WDR37: variants seen among roughly 807,000 people sequenced by gnomAD.
The protein encoded by WDR37 is WD repeat-containing protein 37.
A neutral mutation model predicts 62.9 loss-of-function variants in WDR37; 19 were observed. The ratio of observed to expected loss-of-function variants is 0.30; its 90% CI spans 0.21 to 0.44. The LOEUF (loss-of-function observed/expected upper bound fraction) is 0.44, where lower values mean the gene tolerates loss of function less well. Among genes scored for constraint, WDR37 ranks in the 20% least tolerant of loss-of-function variants. WDR37 has a pLI of 1.00. For synonymous variants in WDR37, 250 were observed against 260.9 expected (o/e 0.96, Z 0.40); for missense variants, 474 against 657.6 (o/e 0.72, Z 3.05).
intron 8 of WDR37, among the ~76,000 whole-genome samples, chr10:1,095,027 G>A (rs1371338428): frequency 6.6e-6 from 1 of 151,758 alleles, no homozygotes; most frequent in Admixed American, 6.6e-5. Flanking sequence ...GGAAACATGA[G>A]GTAATGGGTA....
chr10:1,095,551 G>A (rs979658224), intron 8 of WDR37, among the ~76,000 whole-genome samples: 3 of 152,200 alleles, frequency 2.0e-5, no homozygotes, highest in Non-Finnish European at 4.4e-5. Flanking sequence ...AAGCTGGGTG[G>A]CAGTGAAGAG....
At chr10:1,101,281 G>T (rs1176927860) in intron 9 of WDR37, among the ~76,000 whole-genome samples, 4 of 152,214 alleles carry the variant, frequency 2.6e-5, no homozygotes, top group Non-Finnish European at 4.4e-5. Context: ...CAGTCCTGGA[G>T]GCTGGAAGCC....
intron 1 of WDR37, among the ~76,000 whole-genome samples, chr10:1,061,813 C>G (rs7477784): frequency 6.8e-6 from 1 of 147,564 alleles, no homozygotes; most frequent in Non-Finnish European, 1.5e-5. Flanking sequence ...GCACTCCAGC[C>G]TGGGCAACAG....
chr10:1,126,710 A>G (rs539228765), intron 13 of WDR37, among the ~76,000 whole-genome samples: 485 of 152,320 alleles, frequency 3.2e-3, no homozygotes, highest in Non-Finnish European at 5.1e-3. Context: ...ACCTGCAGGC[A>G]GGCCGGGTGG....
intron 1 of WDR37, among the ~76,000 whole-genome samples, chr10:1,064,109 G>T (rs962827108): frequency 6.6e-6 from 1 of 152,096 alleles, no homozygotes; most frequent in Non-Finnish European, 1.5e-5. Flanking sequence ...GAAAATACAG[G>T]ATGTAAAAAA....
intron 5 of WDR37, among the ~76,000 whole-genome samples, 166 bp downstream of exon 5, chr10:1,080,642 A>G (rs1022318984): frequency 1.3e-5 from 2 of 152,212 alleles, no homozygotes; most frequent in Admixed American, 6.5e-5. Context: ...ATGGTGGCTC[A>G]TGCTTGTAAT....
chr10:1,087,051 G>A (rs1834224665), intron 7 of WDR37, among the ~76,000 whole-genome samples: 1 of 152,250 alleles, frequency 6.6e-6, no homozygotes, highest in Non-Finnish European at 1.5e-5. Flanking sequence ...GTGGCTCTGA[G>A]CGCCTGTCTG....
intron 1 of WDR37, among the ~76,000 whole-genome samples, chr10:1,070,049 T>G (rs1833680542): frequency 6.6e-6 from 1 of 151,814 alleles, no homozygotes; most frequent in African/African-American, 2.4e-5. Context: ...CTAATAAAAA[T>G]ACAAAAATTA....
chr10:1,080,916 A>T (rs1834007915), intron 5 of WDR37, among the ~76,000 whole-genome samples: 1 of 152,156 alleles, frequency 6.6e-6, no homozygotes, highest in Admixed American at 6.5e-5. Context: ...CAAAAAAAAA[A>T]AAAAGAATGT....
At chr10:1,109,692 T>C (rs1167668743) in intron 11 of WDR37, among the ~76,000 whole-genome samples, 1 of 152,096 alleles carries the variant, frequency 6.6e-6, no homozygotes, top group East Asian at 1.9e-4. Flanking sequence ...GCCTGGGCAA[T>C]GAGCGAAACT....
chr10:1,114,033 T>C (rs1052294215), intron 11 of WDR37, among the ~76,000 whole-genome samples: 5 of 144,646 alleles, frequency 3.5e-5, no homozygotes, highest in Non-Finnish European at 7.5e-5. Context: ...CTTGGCTCAC[T>C]GCAACCTCCG....
chr10:1,072,100 T>C lies in WDR37; in HGVS notation c.-40-16T>C, dbSNP rs891342450. Reference sequence around the variant, plus strand: ...CTCGCTGTATCAGAAACACTGTTTTTTCTTGCTGTTTTTAGCTTATTGCAG... The same window carrying C: ...CTCGCTGTATCAGAAACACTGTTTTCTCTTGCTGTTTTTAGCTTATTGCAG... On this transcript the variant is annotated splice_polypyrimidine_tract_variant and intron_variant, in intron 1 of 13. Transcript: ENST00000263150. 5.0e-6 allele frequency: 8 copies of C among 1,586,516 alleles called. No homozygotes were observed. The African/African-American group carries it at 1.1e-4, about 22-fold the overall frequency.
intron 1 of WDR37, among the ~76,000 whole-genome samples, chr10:1,069,875 T>C (rs567682955): frequency 6.6e-6 from 1 of 152,236 alleles, no homozygotes; most frequent in African/African-American, 2.4e-5. Context: ...ATATGGACCA[T>C]CTTTGCAACT....
intron 7 of WDR37, among the ~76,000 whole-genome samples, chr10:1,091,531 C>T (rs1383023349): frequency 6.6e-6 from 1 of 152,158 alleles, no homozygotes; most frequent in Non-Finnish European, 1.5e-5. Flanking sequence ...ATAACCTATT[C>T]AGATTTGGTC....
At chr10:1,083,832 C>T (rs567503926) in intron 5 of WDR37, among the ~76,000 whole-genome samples, 20 of 152,318 alleles carry the variant, frequency 1.3e-4, no homozygotes, top group Admixed American at 7.8e-4. Flanking sequence ...CTGTTCTGAG[C>T]GAGCGCCAAG....
At chr10:1,090,676 C>T (rs1032283976) in intron 7 of WDR37, among the ~76,000 whole-genome samples, 88 of 152,220 alleles carry the variant, frequency 5.8e-4, no homozygotes, top group Non-Finnish European at 3.5e-4. Flanking sequence ...ACTGTGTCTG[C>T]GCCTCTCAGA....
intron 1 of WDR37, among the ~76,000 whole-genome samples, chr10:1,061,099 C>T (rs1386463717): frequency 6.6e-6 from 1 of 152,188 alleles, no homozygotes; most frequent in Non-Finnish European, 1.5e-5. Context: ...GGAACTCTGT[C>T]TCATAGGGAT....
At chr10:1,075,061 A>G (rs1002446842) in intron 2 of WDR37, among the ~76,000 whole-genome samples, 2 of 152,210 alleles carry the variant, frequency 1.3e-5, no homozygotes. Flanking sequence ...AGTGGTACCA[A>G]AAGTTCAACA....
At chr10:1,117,137 C>T (rs748531274) in intron 11 of WDR37, among the ~76,000 whole-genome samples, 1 of 152,186 alleles carries the variant, frequency 6.6e-6, no homozygotes, top group Non-Finnish European at 1.5e-5. Context: ...TCACTGCAAT[C>T]TCGACTTCCT....
Sources: gnomAD v4.1 joint callset for allele counts (sites outside exome capture counted in the v4.1 genomes callset) on GRCh38, gnomAD v4.1.1 for gene constraint, MANE v1.5 for transcripts, NCBI Gene and HGNC (gene_info 2026-07-23, HGNC 2026-07-21) for gene names.